Variants in DRC8 observed in about 807,000 individuals in gnomAD.
DRC8 encodes the protein dynein regulatory complex subunit 8, also known as dynein regulatory complex protein 8.
At chr1:245,047,262 CAATT>C in the DRC8 span, among the ~76,000 whole-genome samples, 1 of 152,150 alleles carries the variant, frequency 6.6e-6, no homozygotes, top group Non-Finnish European at 1.5e-5. Context: ...ACATAAATGT[CAATT>C]AACACATATT....
the DRC8 span, among the ~76,000 whole-genome samples, chr1:245,077,214 C>T: frequency 6.6e-6 from 1 of 152,088 alleles, no homozygotes; most frequent in Non-Finnish European, 1.5e-5. Context: ...TTTATTGTCT[C>T]ACAGTTCTAA....
the DRC8 span, among the ~76,000 whole-genome samples, chr1:244,989,378 A>G: frequency 6.6e-6 from 1 of 152,112 alleles, no homozygotes; most frequent in African/African-American, 2.4e-5. Flanking sequence ...CTTGGCTGTG[A>G]TCGTTTCTCA....
At chr1:244,989,044 A>C in the DRC8 span, among the ~76,000 whole-genome samples, 1 of 152,292 alleles carries the variant, frequency 6.6e-6, no homozygotes, top group East Asian at 1.9e-4. Flanking sequence ...TGGTGGCAAA[A>C]TTTGTTCAAA....
the DRC8 span, among the ~76,000 whole-genome samples, chr1:245,047,751 C>A: frequency 6.6e-6 from 1 of 151,928 alleles, no homozygotes; most frequent in Admixed American, 6.6e-5. Flanking sequence ...GCAGGTGGAT[C>A]ACTTGAGGTC....
the DRC8 span, among the ~76,000 whole-genome samples, chr1:244,991,703 TA>T: frequency 2.0e-5 from 3 of 152,318 alleles, no homozygotes; most frequent in Admixed American, 6.5e-5. Context: ...ACCACCTTTT[TA>T]AACTTTTATA....
chr1:245,088,967 G>A, the DRC8 span, among the ~76,000 whole-genome samples: 1 of 152,168 alleles, frequency 6.6e-6, no homozygotes, highest in Admixed American at 6.5e-5. The surrounding 1 kb of genome is among the most constrained non-coding windows in gnomAD (Gnocchi z 4.6). Flanking sequence ...GTTAGGTGCT[G>A]AGTTAAGGTT....
chr1:245,052,426 T>C, the DRC8 span, among the ~76,000 whole-genome samples: 10,102 of 152,150 alleles, frequency 0.066, 401 homozygotes, highest in African/African-American at 0.097. Context: ...GTAGATTAAC[T>C]GCCAAGCACA....
the DRC8 span, among the ~76,000 whole-genome samples, chr1:245,086,101 A>T: frequency 2.0e-5 from 3 of 152,248 alleles, no homozygotes; most frequent in African/African-American, 7.2e-5. Flanking sequence ...CAGAGAGTTC[A>T]TGGTACTTAA....
chr1:245,015,961 A>G, the DRC8 span, among the ~76,000 whole-genome samples: 2 of 117,422 alleles, frequency 1.7e-5, no homozygotes, highest in African/African-American at 6.6e-5. Context: ...AGTAGCCTAC[A>G]GGGCTTTTTT....
At chr1:245,020,638 T>A in the DRC8 span, among the ~76,000 whole-genome samples, 4 of 101,582 alleles carry the variant, frequency 3.9e-5, no homozygotes, top group Admixed American at 1.1e-4. Flanking sequence ...TTTTTTTTTT[T>A]AGACAGGGTC....
chr1:245,114,821 G>A, the DRC8 span, among the ~76,000 whole-genome samples: 1 of 152,168 alleles, frequency 6.6e-6, no homozygotes, highest in African/African-American at 2.4e-5. Context: ...TGCCTTCTGG[G>A]TTTAAGCGAT....
At chr1:244,982,263 G>C in the DRC8 span, among the ~76,000 whole-genome samples, 1 of 152,154 alleles carries the variant, frequency 6.6e-6, no homozygotes, top group Non-Finnish European at 1.5e-5. Flanking sequence ...ATGCTAATAG[G>C]CAAGAAAAAC....
the DRC8 span, among the ~76,000 whole-genome samples, chr1:245,039,086 C>CAAATAA: frequency 6.9e-6 from 1 of 145,338 alleles, no homozygotes; most frequent in Non-Finnish European, 1.5e-5. Context: ...CTTTTCAGTG[C>CAAATAA]ACCCCCTTAT....
At chr1:244,970,569 C>T in the DRC8 span, 1 of 1,307,612 alleles carries the variant, frequency 7.6e-7, no homozygotes, top group Non-Finnish European at 1.0e-6. Flanking sequence ...AAAGGGCGGC[C>T]TGAGGAGGGG....
the DRC8 span, among the ~76,000 whole-genome samples, chr1:244,997,919 C>T: frequency 5.6e-3 from 848 of 152,148 alleles, 11 homozygotes; most frequent in African/African-American, 0.019. Context: ...TGTAGCTTAT[C>T]CCTTGTTTAT....
chr1:245,100,623 A>T, the DRC8 span, among the ~76,000 whole-genome samples: 14 of 151,554 alleles, frequency 9.2e-5, 1 homozygote, highest in East Asian at 2.7e-3. Context: ...TCTACCAAAA[A>T]TACAAAAATT....
chr1:245,007,865 C>G, the DRC8 span, among the ~76,000 whole-genome samples: 3 of 152,136 alleles, frequency 2.0e-5, no homozygotes, highest in Non-Finnish European at 4.4e-5. Context: ...GCTTTTATCA[C>G]TTTAAAACCT....
chr1:245,068,549 C>T, the DRC8 span, among the ~76,000 whole-genome samples: 1 of 151,580 alleles, frequency 6.6e-6, no homozygotes, highest in Non-Finnish European at 1.5e-5. Flanking sequence ...TAAAGTGGTC[C>T]TCTCATCTCA....
the DRC8 span, among the ~76,000 whole-genome samples, chr1:245,095,308 G>A: frequency 2.0e-5 from 3 of 152,180 alleles, no homozygotes; most frequent in Non-Finnish European, 4.4e-5. Context: ...GCTACACCCC[G>A]CTGGAGGGAG....
Sources: allele counts gnomAD v4.1 joint callset (sites outside exome capture counted in the v4.1 genomes callset), GRCh38; gene constraint gnomAD v4.1.1; non-coding constraint Gnocchi (gnomAD v3.1); transcripts MANE v1.5; gene names NCBI Gene and HGNC (gene_info 2026-07-23, HGNC 2026-07-21).